Variants in ENTREP2 observed in about 807,000 individuals in gnomAD.
The protein encoded by ENTREP2 is protein ENTREP2.
At chr15:29,216,634 G>A in the ENTREP2 span, among the ~76,000 whole-genome samples, 1 of 152,122 alleles carries the variant, frequency 6.6e-6, no homozygotes. Context: ...TGTTACACCC[G>A]AGCGAGTTCC....
the ENTREP2 span, among the ~76,000 whole-genome samples, chr15:29,586,678 C>T: frequency 4.7e-5 from 7 of 150,052 alleles, no homozygotes; most frequent in East Asian, 2.0e-4. Flanking sequence ...GAACCCGGGA[C>T]GGGGAGGTTG....
the ENTREP2 span, among the ~76,000 whole-genome samples, chr15:29,220,815 A>G: frequency 1.2e-4 from 18 of 144,732 alleles, no homozygotes; most frequent in Non-Finnish European, 1.7e-4. Flanking sequence ...CCTTTTAGGG[A>G]AAAAAAAAAA....
the ENTREP2 span, among the ~76,000 whole-genome samples, chr15:29,387,263 GT>G: frequency 2.6e-5 from 4 of 152,106 alleles, no homozygotes; most frequent in African/African-American, 4.8e-5. Flanking sequence ...TAATCATGTG[GT>G]TTTTGTCTTT....
chr15:29,449,105 G>C, the ENTREP2 span, among the ~76,000 whole-genome samples: 2 of 152,234 alleles, frequency 1.3e-5, no homozygotes, highest in African/African-American at 4.8e-5. Flanking sequence ...GAATGAGAAA[G>C]AAAGAGTAGT....
chr15:29,170,807 CTGT>C, the ENTREP2 span, among the ~76,000 whole-genome samples: 1 of 152,314 alleles, frequency 6.6e-6, no homozygotes, highest in Non-Finnish European at 1.5e-5. Flanking sequence ...TAAATGTCTG[CTGT>C]TTATACCACC....
the ENTREP2 span, among the ~76,000 whole-genome samples, chr15:29,386,434 G>A: frequency 3.6e-3 from 546 of 152,274 alleles, 4 homozygotes; most frequent in Non-Finnish European, 5.8e-3. Flanking sequence ...TCACACGCCC[G>A]GTGAGGCGGA....
At chr15:29,652,272 C>T in the ENTREP2 span, among the ~76,000 whole-genome samples, 1 of 152,108 alleles carries the variant, frequency 6.6e-6, no homozygotes, top group Non-Finnish European at 1.5e-5. Flanking sequence ...CTTCTCCTCT[C>T]TGCTGAGGGC....
the ENTREP2 span, among the ~76,000 whole-genome samples, chr15:29,380,030 A>C: frequency 2.8e-5 from 4 of 144,958 alleles, no homozygotes; most frequent in Non-Finnish European, 4.5e-5. Flanking sequence ...CTTGGCACCA[A>C]GAGCCAGCTT....
At chr15:29,541,944 G>A in the ENTREP2 span, among the ~76,000 whole-genome samples, 5 of 152,170 alleles carry the variant, frequency 3.3e-5, no homozygotes, top group Admixed American at 3.3e-4. Flanking sequence ...GAATTAGTTG[G>A]TCCTCCTGTT....
At chr15:29,185,277 C>A in the ENTREP2 span, among the ~76,000 whole-genome samples, 4 of 152,236 alleles carry the variant, frequency 2.6e-5, no homozygotes, top group Non-Finnish European at 5.9e-5. Context: ...GGAACCAGTG[C>A]CTATCGGTTT....
the ENTREP2 span, among the ~76,000 whole-genome samples, chr15:29,279,428 A>C: frequency 2.6e-5 from 4 of 151,400 alleles, no homozygotes; most frequent in African/African-American, 9.7e-5. Flanking sequence ...GCAGTGGTGC[A>C]ATCTCGCCTC....
the ENTREP2 span, among the ~76,000 whole-genome samples, chr15:29,357,323 T>A: frequency 6.6e-6 from 1 of 151,752 alleles, no homozygotes; most frequent in African/African-American, 2.4e-5. Flanking sequence ...ACAGAAAGTA[T>A]CCCCAGTGAA....
the ENTREP2 span, among the ~76,000 whole-genome samples, chr15:29,671,244 C>A: frequency 3.3e-5 from 5 of 152,208 alleles, no homozygotes; most frequent in Non-Finnish European, 7.3e-5. Flanking sequence ...CAGACCTAGC[C>A]CTGGCTGTTC....
the ENTREP2 span, among the ~76,000 whole-genome samples, chr15:29,511,363 T>TA: frequency 1.3e-5 from 2 of 150,360 alleles, no homozygotes; most frequent in African/African-American, 2.4e-5. Flanking sequence ...TTTTTTGAGA[T>TA]AGAGTCTTGC....
the ENTREP2 span, among the ~76,000 whole-genome samples, chr15:29,158,849 GAACA>G: frequency 6.6e-6 from 1 of 151,790 alleles, no homozygotes; most frequent in Non-Finnish European, 1.5e-5. Flanking sequence ...ATGATGTATA[GAACA>G]AAAACAAGAG....
chr15:29,171,273 T>C, the ENTREP2 span, among the ~76,000 whole-genome samples: 2 of 152,182 alleles, frequency 1.3e-5, no homozygotes, highest in African/African-American at 4.8e-5. Flanking sequence ...CTATCTTCTA[T>C]CATTAAACCA....
At chr15:29,560,369 G>A in the ENTREP2 span, among the ~76,000 whole-genome samples, 1 of 152,190 alleles carries the variant, frequency 6.6e-6, no homozygotes, top group Non-Finnish European at 1.5e-5. Flanking sequence ...GAGGAGAGAG[G>A]TAACAGCTTC....
At chr15:29,209,773 G>A in the ENTREP2 span, among the ~76,000 whole-genome samples, 1 of 152,148 alleles carries the variant, frequency 6.6e-6, no homozygotes, top group African/African-American at 2.4e-5. Context: ...CGGGGACTGA[G>A]TTTCCCTCTT....
At chr15:29,311,821 T>C in the ENTREP2 span, among the ~76,000 whole-genome samples, 15 of 152,302 alleles carry the variant, frequency 9.8e-5, no homozygotes, top group East Asian at 2.9e-3. Flanking sequence ...AGCTTCCAGA[T>C]AAAGTCATGG....
Sources: allele counts gnomAD v4.1 joint callset (sites outside exome capture counted in the v4.1 genomes callset), GRCh38; gene constraint gnomAD v4.1.1; transcripts MANE v1.5; gene names NCBI Gene and HGNC (gene_info 2026-07-23, HGNC 2026-07-21).